The following SLC35F3 variants were observed in gnomAD, a reference collection of about 807,000 sequenced individuals.
The protein encoded by SLC35F3 is putative thiamine transporter SLC35F3.
SLC35F3 carries 25 observed loss-of-function variants against 49.9 expected under a neutral mutation model. That is an observed-to-expected ratio of 0.50 (90% confidence interval 0.37 to 0.70). The LOEUF (loss-of-function observed/expected upper bound fraction) is 0.70. Among genes scored for constraint, SLC35F3 ranks in the 30% least tolerant of loss-of-function variants. The probability of loss-of-function intolerance (pLI) is 0.00; values close to 1 mark genes in which losing one functional copy is unlikely to be tolerated. For missense variants in SLC35F3, 525 were observed against 639.8 expected (o/e 0.82, Z 1.94); for synonymous variants, 275 against 265.4 (o/e 1.04, Z -0.35).
intron 2 of SLC35F3, among the ~76,000 whole-genome samples, chr1:234,116,447 A>T (rs1182742223): frequency 2.0e-5 from 3 of 152,122 alleles, no homozygotes; most frequent in Non-Finnish European, 2.9e-5. Context: ...TTTGGTGCTC[A>T]CATTGTCCCA....
intron 2 of SLC35F3, among the ~76,000 whole-genome samples, chr1:234,091,771 G>A (rs1161289949): frequency 6.6e-6 from 1 of 152,158 alleles, no homozygotes; most frequent in South Asian, 2.1e-4. Context: ...CTGTGTCATA[G>A]ATTTCTGCAC....
At chr1:234,310,605 G>C (rs1422969698) in intron 4 of SLC35F3, among the ~76,000 whole-genome samples, 1 of 152,178 alleles carries the variant, frequency 6.6e-6, no homozygotes, top group African/African-American at 2.4e-5. Context: ...CTGACTCGAT[G>C]CTGAAGATCT....
chr1:234,247,101 G>C (rs568831876), intron 3 of SLC35F3, among the ~76,000 whole-genome samples: 1 of 152,206 alleles, frequency 6.6e-6, no homozygotes, highest in Non-Finnish European at 1.5e-5. Flanking sequence ...TTGAGCACCA[G>C]CAATGGTGTC....
chr1:234,117,934 G>GTATATATATATATATATATA, intron 2 of SLC35F3, among the ~76,000 whole-genome samples: 1 of 113,556 alleles, frequency 8.8e-6, no homozygotes, highest in Admixed American at 1.1e-4. Flanking sequence ...GTGTGTGTGT[G>GTATATATATATATATATATA]TGTGTGTGTG....
chr1:234,224,318 C>T (rs651428), intron 2 of SLC35F3, among the ~76,000 whole-genome samples: 45,322 of 152,160 alleles, frequency 0.3, 12,280 homozygotes, highest in African/African-American at 0.73. Context: ...CCACCCATCT[C>T]GGCCTCCCAA....
chr1:234,254,423 A>G (rs1667785736), intron 3 of SLC35F3, among the ~76,000 whole-genome samples: 3 of 152,240 alleles, frequency 2.0e-5, no homozygotes, highest in Admixed American at 1.3e-4. Context: ...GTGTCAAACC[A>G]TCGGAGAGAA....
intron 2 of SLC35F3, among the ~76,000 whole-genome samples, chr1:234,098,502 C>T (rs1289955476): frequency 7.1e-6 from 1 of 140,082 alleles, no homozygotes; most frequent in South Asian, 2.3e-4. Context: ...GGTGGCAGTT[C>T]GGATGGTGGT....
At chr1:233,961,450 C>CCT (rs111649015) in intron 2 of SLC35F3, among the ~76,000 whole-genome samples, 5 of 142,788 alleles carry the variant, frequency 3.5e-5, no homozygotes, top group African/African-American at 1.3e-4. Context: ...TTTTTTTTTT[C>CCT]CTCTCTTTTT....
At chr1:234,215,028 G>T in intron 2 of SLC35F3, 1 of 156,806 alleles carries the variant, frequency 6.4e-6, no homozygotes, top group Non-Finnish European at 1.4e-5. Flanking sequence ...AGTTGGTAGA[G>T]GCGGGAGAGG....
chr1:233,908,162 G>A (rs1250906193), intron 2 of SLC35F3, among the ~76,000 whole-genome samples: 1 of 151,578 alleles, frequency 6.6e-6, no homozygotes, highest in African/African-American at 2.4e-5. Flanking sequence ...CTATAAATGG[G>A]GAGAGATGAT....
intron 3 of SLC35F3, among the ~76,000 whole-genome samples, chr1:234,268,326 G>C (rs1215859240): frequency 7.2e-6 from 1 of 138,260 alleles, no homozygotes; most frequent in Non-Finnish European, 1.6e-5. Flanking sequence ...GTGGCGGCGC[G>C]CGCCTGCAAT....
intron 2 of SLC35F3, among the ~76,000 whole-genome samples, chr1:233,925,863 T>A (rs929917030): frequency 2.6e-5 from 4 of 152,262 alleles, no homozygotes; most frequent in African/African-American, 7.2e-5. Flanking sequence ...GCTTGTCTGT[T>A]AAGGATTTTA....
intron 2 of SLC35F3, among the ~76,000 whole-genome samples, chr1:234,035,348 A>G (rs1308381415): frequency 6.6e-6 from 1 of 152,174 alleles, no homozygotes; most frequent in African/African-American, 2.4e-5. Context: ...TGTTATTGAG[A>G]AGTCGGAAGC....
chr1:234,191,017 T>A (rs1463282651), intron 2 of SLC35F3, among the ~76,000 whole-genome samples: 2 of 152,214 alleles, frequency 1.3e-5, no homozygotes, highest in Non-Finnish European at 2.9e-5. Context: ...TCCACAGCCC[T>A]TCTTATATAT....
At chr1:234,012,530 C>T (rs1663739852) in intron 2 of SLC35F3, among the ~76,000 whole-genome samples, 1 of 152,172 alleles carries the variant, frequency 6.6e-6, no homozygotes. Context: ...GCATTGTGCC[C>T]CTGGTTTATC....
Position 234,282,314 on chromosome 1 carries a change from C to T in SLC35F3, c.609-26787C>T, listed in dbSNP as rs541964932. On this transcript the variant is annotated intron_variant, in intron 3 of 7. Coordinates refer to ENST00000366618, the MANE Select transcript of SLC35F3 (RefSeq NM_173508.4). Reference sequence around the variant, plus strand: ...AAGCCTGCTAATGGTGTGTGTGAGCCGTGTGAGCCTCTAGGCCCCTCCTAT... The same window carrying T: ...AAGCCTGCTAATGGTGTGTGTGAGCTGTGTGAGCCTCTAGGCCCCTCCTAT... Among the ~76,000 whole-genome samples the T allele has an allele frequency of 5.3e-5, 8 of 152,272 alleles. No individual in the cohort carries two copies. In the East Asian group the frequency reaches 5.8e-4, roughly 11 times the overall value.
At chr1:234,061,101 A>C (rs897503776) in intron 2 of SLC35F3, among the ~76,000 whole-genome samples, 1 of 152,094 alleles carries the variant, frequency 6.6e-6, no homozygotes, top group Admixed American at 6.5e-5. Context: ...CTCTAGACTT[A>C]CTTGCTTTCA....
intron 3 of SLC35F3, among the ~76,000 whole-genome samples, chr1:234,269,378 C>G (rs1432375806): frequency 6.6e-6 from 1 of 152,096 alleles, no homozygotes; most frequent in East Asian, 1.9e-4. Flanking sequence ...AATAGATCAA[C>G]CAGGTGGTAC....
rs376864271 is a variant in SLC35F3, at chr1:233,982,593, C to T, written c.283+76835C>T. On this transcript the variant is annotated intron_variant, in intron 2 of 7. Coordinates refer to ENST00000366618, the MANE Select transcript of SLC35F3 (RefSeq NM_173508.4). Reference sequence around the variant, plus strand: ...TTCTCCATGTTGGTCAGCCTGGTCTCGAACTCCTGACCTCAGGTGATCCGC... The same window carrying T: ...TTCTCCATGTTGGTCAGCCTGGTCTTGAACTCCTGACCTCAGGTGATCCGC... 2.2e-4 allele frequency among the ~76,000 whole-genome samples: 33 copies of T among 152,236 alleles called. No homozygotes were observed. The South Asian group carries it at 4.4e-3, about 20-fold the overall frequency.
Sources: allele counts gnomAD v4.1 joint callset (sites outside exome capture counted in the v4.1 genomes callset), GRCh38; gene constraint gnomAD v4.1.1; transcripts MANE v1.5; gene names NCBI Gene and HGNC (gene_info 2026-07-23, HGNC 2026-07-21).